Variants in HS3ST4 observed in about 807,000 individuals in gnomAD.
HS3ST4 encodes the protein heparan sulfate glucosamine 3-O-sulfotransferase 4.
Under a neutral mutation model 29.2 loss-of-function variants are expected in HS3ST4, and 17 were observed. The ratio of observed to expected loss-of-function variants is 0.58; its 90% CI spans 0.40 to 0.87. The LOEUF (loss-of-function observed/expected upper bound fraction) is 0.87. Among genes scored for constraint, HS3ST4 ranks in the 40% least tolerant of loss-of-function variants. HS3ST4 has a pLI of 0.00. For synonymous variants in HS3ST4, 314 were observed against 285.7 expected, an observed-to-expected ratio of 1.10 and a Z score of -1.00; for missense variants, 627 against 634.5, an observed-to-expected ratio of 0.99 and a Z score of 0.13.
chr16:25,817,055 T>C (rs1043170720), intron 1 of HS3ST4, among the ~76,000 whole-genome samples: 5 of 152,200 alleles, frequency 3.3e-5, no homozygotes, highest in Admixed American at 6.5e-5. Context: ...GGGACAAAAA[T>C]TCAAACCATA....
At chr16:25,827,935 A>G (rs961777462) in intron 1 of HS3ST4, among the ~76,000 whole-genome samples, 1 of 152,206 alleles carries the variant, frequency 6.6e-6, no homozygotes, top group Non-Finnish European at 1.5e-5. Flanking sequence ...TTTCAGATTC[A>G]GAAGATACTA....
chr16:26,092,140 T>C (rs1898865090), intron 1 of HS3ST4, among the ~76,000 whole-genome samples: 1 of 152,128 alleles, frequency 6.6e-6, no homozygotes, highest in Admixed American at 6.5e-5. Flanking sequence ...ACATAACATC[T>C]TGGGACCTCT....
At chr16:25,774,208 G>A (rs755943415) in intron 1 of HS3ST4, among the ~76,000 whole-genome samples, 4 of 152,226 alleles carry the variant, frequency 2.6e-5, no homozygotes, top group Admixed American at 6.5e-5. Context: ...GTAAGCGTGA[G>A]CTATTAAATC....
rs185855122 is a variant in HS3ST4, at chr16:26,084,127, C to T, written c.735-51485C>T. 1.4e-4 allele frequency among the ~76,000 whole-genome samples: 21 copies of T among 152,258 alleles called. No individual in the cohort carries two copies. In the East Asian group the frequency reaches 4.1e-3, roughly 29 times the overall value. ...CTTGACTTAGCTTTATTGCTTTGTTCCTGGCCAGGTCCCCATGGGCTCTCT... is the reference window on the plus strand; with the variant it reads ...CTTGACTTAGCTTTATTGCTTTGTTTCTGGCCAGGTCCCCATGGGCTCTCT... On this transcript the variant is annotated intron_variant, in intron 1 of 1. Transcript: ENST00000331351.
intron 1 of HS3ST4, among the ~76,000 whole-genome samples, chr16:25,760,598 T>A (rs1241851433): frequency 6.6e-6 from 1 of 152,070 alleles, no homozygotes; most frequent in Non-Finnish European, 1.5e-5. Context: ...TTTGTATTTT[T>A]AGTAGAGATG....
At chr16:25,792,703 T>C (rs1966871866) in intron 1 of HS3ST4, among the ~76,000 whole-genome samples, 1 of 148,358 alleles carries the variant, frequency 6.7e-6, no homozygotes, top group African/African-American at 2.5e-5. Flanking sequence ...TTGACCAGTT[T>C]TGTTAGGTGT....
chr16:25,951,753 C>A (rs1163274848), intron 1 of HS3ST4, among the ~76,000 whole-genome samples: 1 of 152,068 alleles, frequency 6.6e-6, no homozygotes, highest in Non-Finnish European at 1.5e-5. Context: ...GAAAGAAAAC[C>A]AGGGCTCCTA....
intron 1 of HS3ST4, among the ~76,000 whole-genome samples, chr16:25,926,882 C>A (rs188873547): frequency 1.3e-5 from 2 of 152,024 alleles, no homozygotes; most frequent in Non-Finnish European, 2.9e-5. Context: ...GATTTCAGTT[C>A]GTGTTTTGGT....
chr16:26,048,226 C>T (rs186039361), intron 1 of HS3ST4, among the ~76,000 whole-genome samples: 1 of 152,298 alleles, frequency 6.6e-6, no homozygotes, highest in African/African-American at 2.4e-5. Flanking sequence ...TTTAAAGGCC[C>T]TATCTCCAAA....
intron 1 of HS3ST4, among the ~76,000 whole-genome samples, chr16:25,795,357 C>A (rs1966881497): frequency 6.6e-6 from 1 of 152,104 alleles, no homozygotes; most frequent in South Asian, 2.1e-4. Flanking sequence ...TCTTCCAGCT[C>A]TCTTCACCTT....
At chr16:25,988,705 GTCGGAGA>G (rs1969086448) in intron 1 of HS3ST4, among the ~76,000 whole-genome samples, 1 of 152,086 alleles carries the variant, frequency 6.6e-6, no homozygotes, top group Admixed American at 6.6e-5. Flanking sequence ...ACTGGGGACC[GTCGGAGA>G]GTGGAGGGTG....
intron 1 of HS3ST4, among the ~76,000 whole-genome samples, chr16:25,842,678 A>G (rs1967427480): frequency 6.6e-6 from 1 of 152,178 alleles, no homozygotes; most frequent in African/African-American, 2.4e-5. Flanking sequence ...AGAAATTAGG[A>G]ACTTCAGGGA....
chr16:25,757,555 T>C (rs907911252), intron 1 of HS3ST4, among the ~76,000 whole-genome samples: 2 of 149,366 alleles, frequency 1.3e-5, no homozygotes, highest in African/African-American at 4.9e-5. Context: ...GTAAACCTTT[T>C]CAGTATTACT....
At chr16:26,131,686 G>A (rs1350925294) in intron 1 of HS3ST4, among the ~76,000 whole-genome samples, 2 of 152,202 alleles carry the variant, frequency 1.3e-5, no homozygotes, top group African/African-American at 4.8e-5. Flanking sequence ...TAATCTTACA[G>A]GAAGAGGGAG....
chr16:26,098,665 A>G (rs1021505217), intron 1 of HS3ST4, among the ~76,000 whole-genome samples: 3 of 152,104 alleles, frequency 2.0e-5, no homozygotes, highest in Admixed American at 6.5e-5. Context: ...ACAAACCAAC[A>G]TGGCACATGT....
At chr16:26,135,583 A>G (rs757513156) in intron 1 of HS3ST4, 29 bp from the exon 2 acceptor site, 8 of 1,552,064 alleles carry the variant, frequency 5.2e-6, no homozygotes, top group Non-Finnish European at 6.9e-6. Flanking sequence ...AGGAATAACC[A>G]TTCTCTTCCT....
chr16:25,902,323 G>T (rs1968127283), intron 1 of HS3ST4, among the ~76,000 whole-genome samples: 2 of 151,950 alleles, frequency 1.3e-5, no homozygotes, highest in South Asian at 4.2e-4. Flanking sequence ...TTGAGACCCC[G>T]TCTCTACCAA....
intron 1 of HS3ST4, among the ~76,000 whole-genome samples, chr16:26,071,151 C>T (rs1041213468): frequency 2.0e-5 from 3 of 151,066 alleles, no homozygotes; most frequent in East Asian, 2.0e-4. Context: ...GCCCTATAGG[C>T]GTCCCTACAC....
chr16:25,839,976 T>C (rs532845040), intron 1 of HS3ST4, among the ~76,000 whole-genome samples: 2 of 152,342 alleles, frequency 1.3e-5, no homozygotes, highest in South Asian at 4.1e-4. Flanking sequence ...GGAATACTTT[T>C]ATCATGAAAT....
Sources: allele counts gnomAD v4.1 joint callset (sites outside exome capture counted in the v4.1 genomes callset), GRCh38; gene constraint gnomAD v4.1.1; transcripts MANE v1.5; gene names NCBI Gene and HGNC (gene_info 2026-07-23, HGNC 2026-07-21).